The following SCLY variants were observed in gnomAD, a reference collection of about 807,000 sequenced individuals.
The protein encoded by SCLY is putative selenocysteine lyase.
SCLY carries 38 observed loss-of-function variants against 50.1 expected under a neutral mutation model. That is an observed-to-expected ratio of 0.76 (90% CI 0.59 to 0.99). The LOEUF (loss-of-function observed/expected upper bound fraction) is 0.99, where lower values mean the gene tolerates loss of function less well. Ranked by LOEUF, SCLY falls within the 50% of genes least tolerant of loss-of-function variation. The probability of loss-of-function intolerance (pLI) is 0.00; values close to 1 mark genes in which losing one functional copy is unlikely to be tolerated. For missense variants in SCLY, 600 were observed against 620.0 expected, an observed-to-expected ratio of 0.97 and a Z score of 0.34; for synonymous variants, 243 against 249.4, an observed-to-expected ratio of 0.97 and a Z score of 0.24.
At chr2:238,064,206 TG>T in intron 1 of SCLY, 150 bp from the exon 2 acceptor site, 1 of 408,222 alleles carries the variant, frequency 2.4e-6, no homozygotes, top group Non-Finnish European at 4.4e-6. Flanking sequence ...GATTCCCAAG[TG>T]CAGCTTGTGG....
At position 238,098,214 on chromosome 2, in the gene SCLY, G is replaced by T; in HGVS notation, c.1197G>T (p.Val399=). 1 of 1,610,664 alleles carries T rather than the reference G, an allele frequency of 6.2e-7. No individual in the cohort carries two copies. The change falls in exon 12 of 12, where the codon GTG becomes GTT. Residue 399 remains valine (V), a synonymous_variant. Transcript: ENST00000254663. ...TCGCCCTCCCCAGGCCGTCCCCAGT[G>T]CTGCTGAGCTACGGTGTCCCCTTCG... ...HSDHGDQPSP[V]LLSYGVPFDV... is the part of the protein sequence containing the mutation.
intron 2 of SCLY, 48 bp from the exon 3 acceptor site, chr2:238,068,017 T>C (rs368837560): frequency 2.3e-5 from 32 of 1,398,874 alleles, no homozygotes; most frequent in Non-Finnish European, 3.2e-5. Context: ...ATGCGTTGAT[T>C]GAGCTTGGTG....
Position 238,061,128 on chromosome 2 carries a change from A to T in SCLY, c.74A>T (p.His25Leu), listed in dbSNP as rs1363886950. The T allele has an allele frequency of 6.8e-7, 1 of 1,465,458 alleles. No homozygotes were observed. The allele number at this position is 1,465,458 out of a possible 1,614,324, so 90.8% of individuals were successfully genotyped here. A position where few individuals can be genotyped will look rare whatever the true frequency, so the allele number is the denominator to read the frequency against. ...AGTCAGCCCAGCGGCTGCGGGAAAC[A>T]CAACTCGCCGGAGAGGTGCGCGCCT... ...AASQPSGCGK[H>L]NSPERKVYMD... Residue 25 changes from histidine to leucine, a missense_variant, in exon 1 of 12, where the codon CAC becomes CTC. Physicochemically the swap from His to Leu is moderately conservative, Grantham distance 99. Transcript: ENST00000254663.
At chr2:238,091,086 A>G in intron 7 of SCLY, 132 bp from the exon 8 acceptor site, 1 of 843,362 alleles carries the variant, frequency 1.2e-6, no homozygotes, top group Non-Finnish European at 2.0e-6. Context: ...TGCCATTGAG[A>G]TAGCCACATG....
At chr2:238,078,036 C>G (rs778727741) in intron 4 of SCLY, among the ~76,000 whole-genome samples, 3 of 152,094 alleles carry the variant, frequency 2.0e-5, no homozygotes, top group Non-Finnish European at 4.4e-5. Context: ...TCACTGCCAC[C>G]TACGCCTCCC....
chr2:238,080,796 C>T (rs989916224), intron 4 of SCLY: 1 of 152,318 alleles, frequency 6.6e-6, no homozygotes, highest in Admixed American at 6.5e-5. Context: ...CTGCCGGCCT[C>T]GGTAGCTGGC....
intron 11 of SCLY, 127 bp downstream of exon 11, chr2:238,097,003 C>G: frequency 2.2e-6 from 2 of 910,626 alleles, no homozygotes; most frequent in South Asian, 3.6e-5. Context: ...TGTCTGGGCC[C>G]TAGGAGGGGC....
At chr2:238,089,284 T>C (rs1029512607) in intron 7 of SCLY, among the ~76,000 whole-genome samples, 1 of 152,292 alleles carries the variant, frequency 6.6e-6, no homozygotes, top group African/African-American at 2.4e-5. Context: ...GTTCATAGAT[T>C]GGAAGATTCT....
At chr2:238,081,674 T>A (rs1449526933) in intron 4 of SCLY, 35 bp from the exon 5 acceptor site, 9 of 1,599,066 alleles carry the variant, frequency 5.6e-6, no homozygotes, top group Non-Finnish European at 7.7e-6. Flanking sequence ...AATCAATTTG[T>A]GCAGCTCAGT....
In SCLY at chr2:238,094,617, CT is replaced by C. The variant is rs1436395302; in HGVS notation, c.1108+96del. On this transcript the variant is annotated intron_variant, in intron 10 of 11. Coordinates refer to ENST00000254663, the MANE Select transcript of SCLY (RefSeq NM_016510.7). ...GCCAGTGACTCCCACTCGCCCTGCC[CT>C]GAGCATGACACAGCTCGGGCTGTCA... 495 of 1,062,806 alleles carry C rather than the reference CT, an allele frequency of 4.7e-4. 2 individuals carry two copies. In the African/African-American group the frequency reaches 7.2e-3, roughly 15 times the overall value. The allele number at this position is 1,062,806 out of a possible 1,614,324, so 65.8% of individuals were successfully genotyped here. A position where few individuals can be genotyped will look rare whatever the true frequency, so the allele number is the denominator to read the frequency against.
chr2:238,067,926 T>C lies in SCLY; in HGVS notation c.203-139T>C. 3.4e-6 allele frequency: 2 copies of C among 592,690 alleles called. No homozygotes were observed. Among genetic ancestry groups the C allele is most frequent in the South Asian group, 2.3e-5 (1 of 42,722 alleles). 36.7% of individuals were successfully genotyped at this position (592,690 alleles called of 1,614,324 possible). On this transcript the variant is annotated intron_variant, in intron 2 of 11. Transcript: ENST00000254663. This position sits in a 1 kb window ranked among gnomAD's most constrained non-coding sequence, Gnocchi z 4.3. The stretch of plus-strand genomic sequence containing the variant: ...GTGTCTAGGTTGTAGCATTTTGCTG[T>C]GCTCACATTAAGGGGCCAGGTTTTG...
At chr2:238,068,208 A>G (rs763187254) in intron 3 of SCLY, 43 bp downstream of exon 3, 2 of 1,309,890 alleles carry the variant, frequency 1.5e-6, no homozygotes, top group South Asian at 1.3e-5. Flanking sequence ...ACTGTAAGTT[A>G]TAATAAAATA....
rs142559353 is a variant in SCLY at position 238,087,576 on chromosome 2, C to A, written c.885-3642C>A. ...CATTAGAGAATTCTATCGAAGAATT[C>A]TTTGTTTAAAGAAGAATTAACATTT... On this transcript the variant is annotated intron_variant, in intron 7 of 11. Transcript: ENST00000254663. Among the ~76,000 whole-genome samples the A allele has an allele frequency of 9.9e-5, 15 of 152,222 alleles. No homozygotes were observed. In the East Asian group the frequency reaches 2.9e-3, roughly 29 times the overall value.
chr2:238,093,601 C>T (rs1398116178), intron 8 of SCLY: 5 of 490,072 alleles, frequency 1.0e-5, no homozygotes, highest in Non-Finnish European at 1.8e-5. Flanking sequence ...CTCTGGGATG[C>T]TGGCTCCTCG....
intron 8 of SCLY, chr2:238,093,039 A>G (rs1461526724): frequency 6.5e-6 from 1 of 152,706 alleles, no homozygotes; most frequent in East Asian, 1.9e-4. Context: ...CACCCTGGGC[A>G]CCTCTTGCTA....
intron 2 of SCLY, among the ~76,000 whole-genome samples, chr2:238,065,660 T>TTTTTTATTATTA (rs71402758): frequency 0.27 from 39,360 of 143,376 alleles, 6,719 homozygotes; most frequent in Admixed American, 0.37. Flanking sequence ...AATATTTTAT[T>TTTTTTATTATTA]TTATTATTAT....
chr2:238,072,574 C>G (rs1238838359), intron 4 of SCLY, among the ~76,000 whole-genome samples: 2 of 152,150 alleles, frequency 1.3e-5, no homozygotes, highest in African/African-American at 4.8e-5. Flanking sequence ...TTATTGCCAG[C>G]CTAGTAGGTG....
Position 238,092,253 on chromosome 2 carries a change from T to G in SCLY, c.921+999T>G, listed in dbSNP as rs561525366. On this transcript the variant is annotated intron_variant, in intron 8 of 11. Transcript: ENST00000254663. ...GCATGCGCCACCATGCCTGGCTAAT[T>G]TTTGTATTTTTAGTAGAGACAGGGT... 15 of 152,288 alleles carry G rather than the reference T, an allele frequency of 9.8e-5. No individual in the cohort carries two copies. In the East Asian group the frequency reaches 2.9e-3, roughly 29 times the overall value. The allele number at this position is 152,288 out of a possible 1,614,324, so 9.4% of individuals were successfully genotyped here.
At position 238,091,263 on chromosome 2, in the gene SCLY, T is replaced by A. The variant is rs1025338018; in HGVS notation, c.921+9T>A. On this transcript the variant is annotated intron_variant, in intron 8 of 11. Transcript: ENST00000254663. Reference sequence around the variant, plus strand: ...TTGCTGGCCTTGGGAAGGTGAGCCCTGGTGAGCTTGAGGAGATGAGTTGAT... The same window carrying A: ...TTGCTGGCCTTGGGAAGGTGAGCCCAGGTGAGCTTGAGGAGATGAGTTGAT... The A allele has an allele frequency of 6.2e-7, 1 of 1,612,622 alleles. No homozygotes were observed. The highest frequency in any genetic ancestry group is 1.1e-5 in the South Asian group (1 of 91,034).
Sources: gnomAD v4.1 joint callset for allele counts (sites outside exome capture counted in the v4.1 genomes callset) on GRCh38, gnomAD v4.1.1 for gene constraint, Gnocchi (gnomAD v3.1) non-coding constraint, MANE v1.5 for transcripts, NCBI Gene and HGNC (gene_info 2026-07-23, HGNC 2026-07-21) for gene names.